LRRC56: variants seen among roughly 807,000 people sequenced by gnomAD.
The protein encoded by LRRC56 is leucine rich repeat containing 56, also known as leucine-rich repeat-containing protein 56.
A neutral mutation model predicts 47.8 loss-of-function variants in LRRC56; 41 were observed. That is an observed-to-expected ratio of 0.86 (90% CI 0.67 to 1.11). The LOEUF (loss-of-function observed/expected upper bound fraction) is 1.11. Ranked by LOEUF, LRRC56 falls within the 50% of genes most tolerant of loss-of-function variation. The pLI, the probability that LRRC56 is intolerant of heterozygous loss-of-function variation, is 0.00. For missense variants in LRRC56, 759 were observed against 704.2 expected, an observed-to-expected ratio of 1.08 and a Z score of -0.88; for synonymous variants, 387 against 311.2, an observed-to-expected ratio of 1.24 and a Z score of -2.56.
At chr11:520,634 C>T in the LRRC56 span, among the ~76,000 whole-genome samples, 1 of 152,010 alleles carries the variant, frequency 6.6e-6, no homozygotes, top group Non-Finnish European at 1.5e-5. Flanking sequence ...TTGAATATTT[C>T]AAACATACAA....
chr11:535,753 G>A (rs1851461166), upstream of LRRC56, among the ~76,000 whole-genome samples: 1 of 152,118 alleles, frequency 6.6e-6, no homozygotes, highest in Non-Finnish European at 1.5e-5. Flanking sequence ...GGCCTCTCGG[G>A]GTTGGGCTTG....
At chr11:519,056 C>T in the LRRC56 span, among the ~76,000 whole-genome samples, 1 of 152,224 alleles carries the variant, frequency 6.6e-6, no homozygotes, top group African/African-American at 2.4e-5. Flanking sequence ...CCCGTGTGTC[C>T]GCTGTGCAAA....
chr11:527,408 G>A, the LRRC56 span, among the ~76,000 whole-genome samples: 1 of 152,182 alleles, frequency 6.6e-6, no homozygotes, highest in African/African-American at 2.4e-5. Context: ...GTTATCAGTT[G>A]AACAGCAACT....
At chr11:528,653 CG>C in the LRRC56 span, 3 of 152,220 alleles carry the variant, frequency 2.0e-5, no homozygotes, top group Non-Finnish European at 4.4e-5. Flanking sequence ...GGTGCTCTGA[CG>C]ATCGTCTCGA....
Position 554,353 on chromosome 11 carries a change from C to G in LRRC56, c.*77C>G. 2.3e-6 allele frequency: 3 copies of G among 1,300,492 alleles called. No individual in the cohort carries two copies. Among genetic ancestry groups the G allele is most frequent in the Non-Finnish European group, 3.0e-6 (3 of 992,688 alleles). The allele number at this position is 1,300,492 out of a possible 1,614,324, so 80.6% of individuals were successfully genotyped here. A position where few individuals can be genotyped will look rare whatever the true frequency, so the allele number is the denominator to read the frequency against. ...TATGTGGTCACAGAGCACAGAATAC[C>G]TGGGCGGGTGTGTTGGGGGGTGGAA... is the stretch of plus-strand genomic sequence containing the variant. On this transcript the variant is annotated 3_prime_UTR_variant, in exon 14 of 14. Transcript: ENST00000270115.
the LRRC56 span, chr11:529,553 C>T: frequency 6.6e-6 from 1 of 152,366 alleles, no homozygotes; most frequent in Non-Finnish European, 1.5e-5. Flanking sequence ...TCTTGTGGGT[C>T]AGGGTGCGGG....
Position 547,856 on chromosome 11 carries a change from G to A in LRRC56, c.327-2046G>A, listed in dbSNP as rs572816587. The stretch of plus-strand genomic sequence containing the variant: ...TAAAAAATATATTCAGGCCAGGTGC[G>A]GTGGCTCACACCTGTAATCCCAGCA... On this transcript the variant is annotated intron_variant, in intron 6 of 13. Transcript: ENST00000270115. Among the ~76,000 whole-genome samples, 8 of 152,032 alleles carry A rather than the reference G, an allele frequency of 5.3e-5. No homozygotes were observed. In the East Asian group the frequency reaches 5.8e-4, roughly 11 times the overall value.
the LRRC56 span, among the ~76,000 whole-genome samples, chr11:513,224 CG>C: frequency 6.6e-6 from 1 of 152,222 alleles, no homozygotes; most frequent in African/African-American, 2.4e-5. Flanking sequence ...GGCGCAATCT[CG>C]GCTCACTGCA....
At chr11:520,705 AGCCCCCCGAGTC>A in the LRRC56 span, among the ~76,000 whole-genome samples, 1 of 152,074 alleles carries the variant, frequency 6.6e-6, no homozygotes. Context: ...ACATGCTCAG[AGCCCCCCGAGTC>A]GCCCTCTCCC....
the LRRC56 span, among the ~76,000 whole-genome samples, chr11:527,042 C>T: frequency 6.6e-6 from 1 of 152,178 alleles, no homozygotes; most frequent in Non-Finnish European, 1.5e-5. Context: ...TGGCTCACGC[C>T]TGTAATCCCA....
chr11:551,794 G>T lies in LRRC56; in HGVS notation c.940G>T (p.Ala314Ser). ...TGAAGGCCTGCTTTCTGAGGACCTG[G>T]CCCCAGAAGATAACACCAGCAGCCT... The part of the protein sequence containing the change: ...LPEGLLSEDL[A>S]PEDNTSSLTH... Residue 314 changes from alanine to serine, a missense_variant, in exon 10 of 14, where the codon GCC (alanine) becomes TCC (serine). Coordinates refer to ENST00000270115, the MANE Select transcript of LRRC56 (RefSeq NM_198075.4). 6.2e-7 allele frequency: 1 copy of T among 1,608,724 alleles called. No individual in the cohort carries two copies.
At chr11:528,560 C>T in the LRRC56 span, 6 of 152,204 alleles carry the variant, frequency 3.9e-5, no homozygotes, top group East Asian at 3.8e-4. Context: ...CTGAGTCCAC[C>T]GAGGAAGGGG....
chr11:516,234 A>G, the LRRC56 span, among the ~76,000 whole-genome samples: 1 of 152,092 alleles, frequency 6.6e-6, no homozygotes, highest in Admixed American at 6.6e-5. Context: ...CTCTACCAAA[A>G]ATACAAAAAC....
chr11:541,578 G>T lies in LRRC56; in HGVS notation c.219G>T (p.Thr73=), dbSNP rs778467375. 6.3e-7 allele frequency: 1 copy of T among 1,590,432 alleles called. No individual in the cohort carries two copies. The highest frequency in any genetic ancestry group is 8.6e-7 in the Non-Finnish European group (1 of 1,167,232). ...ARVDDLRLVR[T]LEMCVDTREG... is the part of the protein sequence containing the mutation. ...TGGATGACCTTCGGCTGGTGAGGACGCTGGAGATGTGTGTGGACACTCGTG... is the reference window on the plus strand; with the variant it reads ...TGGATGACCTTCGGCTGGTGAGGACTCTGGAGATGTGTGTGGACACTCGTG... The change falls in exon 5 of 14, where the codon ACG becomes ACT. Residue 73 remains threonine (T), a synonymous_variant. Transcript: ENST00000270115. The surrounding 1 kb of genome is among the most constrained non-coding windows in gnomAD (Gnocchi z 4.1).
At chr11:506,503 A>T in the LRRC56 span, 3 of 152,174 alleles carry the variant, frequency 2.0e-5, no homozygotes, top group Non-Finnish European at 2.9e-5. Flanking sequence ...CCCAGGCGGC[A>T]GCTTCGCGGC....
upstream of LRRC56, chr11:537,519 A>G (rs1851571016): frequency 2.6e-5 from 4 of 152,262 alleles, no homozygotes; most frequent in Non-Finnish European, 5.9e-5. Flanking sequence ...CGGCCGGAAG[A>G]ACAGCCTGGA....
At position 552,593 on chromosome 11, in the gene LRRC56, G is replaced by A. The variant is rs150194207; in HGVS notation, c.1206G>A (p.Glu402=). 1.2e-6 allele frequency: 2 copies of A among 1,608,270 alleles called. No individual in the cohort carries two copies. Among genetic ancestry groups the A allele is most frequent in the Non-Finnish European group, 8.5e-7 (1 of 1,177,902 alleles). Residue 402 remains glutamate, a synonymous_variant, in exon 13 of 14, where the codon GAG becomes GAA. Transcript: ENST00000270115. ...GVRPLPYRHP[E]SQQEGAVAPW... ...GCCCCCTCCCCTATAGGCACCCGGA[G>A]TCCCAACAGGAAGGGGCTGTAGCCC... is the stretch of plus-strand genomic sequence containing the variant.
the LRRC56 span, among the ~76,000 whole-genome samples, chr11:509,494 G>A: frequency 2.0e-5 from 3 of 152,170 alleles, no homozygotes; most frequent in African/African-American, 7.2e-5. Context: ...GGTGTCTGTG[G>A]CCGGGCCTCC....
chr11:535,047 T>A (rs1851382205), upstream of LRRC56, among the ~76,000 whole-genome samples: 1 of 151,862 alleles, frequency 6.6e-6, no homozygotes, highest in African/African-American at 2.4e-5. Context: ...GTCCGCGACC[T>A]GTGATGCTGA....
Sources: gnomAD v4.1 joint callset for allele counts (sites outside exome capture counted in the v4.1 genomes callset) on GRCh38, gnomAD v4.1.1 for gene constraint, Gnocchi (gnomAD v3.1) non-coding constraint, MANE v1.5 for transcripts, NCBI Gene and HGNC (gene_info 2026-07-23, HGNC 2026-07-21) for gene names.